The following BCL7A variants were observed in gnomAD, a reference collection of about 807,000 sequenced individuals.
BCL7A encodes BAF chromatin remodeling complex subunit BCL7A, also known as B-cell CLL/lymphoma 7 protein family member A.
In BCL7A, 11 loss-of-function variants were observed where a neutral mutation model predicts 28.4. That is an observed-to-expected ratio of 0.39 (90% confidence interval 0.24 to 0.64). The LOEUF (loss-of-function observed/expected upper bound fraction) is 0.64, where lower values mean the gene tolerates loss of function less well. Among genes scored for constraint, BCL7A ranks in the 30% least tolerant of loss-of-function variants. BCL7A has a pLI of 0.50. For missense variants in BCL7A, 222 were observed against 274.8 expected, an observed-to-expected ratio of 0.81 and a Z score of 1.36; for synonymous variants, 123 against 103.3, an observed-to-expected ratio of 1.19 and a Z score of -1.15.
Position 122,021,986 on chromosome 12 carries a change from C to T in BCL7A, c.-106C>T. 1 of 805,966 alleles carries T rather than the reference C, an allele frequency of 1.2e-6. No individual in the cohort carries two copies. The highest frequency in any genetic ancestry group is 1.9e-6 in the Non-Finnish European group (1 of 514,068). The allele number at this position is 805,966 out of a possible 1,614,324, so 49.9% of individuals were successfully genotyped here. On this transcript the variant is annotated 5_prime_UTR_variant, in exon 1 of 6. Transcript: ENST00000261822. ...TGTGTGCGTGTGAGAGTGCGAGTGT[C>T]TGTGCGCGAGTGAGTGAGCGGCGGG...
In BCL7A at chr12:122,059,449, T is replaced by C. The variant is rs1593039602; in HGVS notation, c.*286T>C. 8.6e-6 allele frequency: 3 copies of C among 350,454 alleles called. No individual in the cohort carries two copies. The East Asian group carries it at 1.3e-4, about 16-fold the overall frequency. 21.7% of individuals were successfully genotyped at this position (350,454 alleles called of 1,614,324 possible). ...CACTGTCTCGGAAGCCAGGATTCCA[T>C]TTGTGTTGCTGCTGTATTTTCCCCC... On this transcript the variant is annotated 3_prime_UTR_variant, in exon 6 of 6. Coordinates refer to ENST00000261822, the MANE Select transcript of BCL7A (RefSeq NM_001024808.3). The surrounding 1 kb of genome is among the most constrained non-coding windows in gnomAD (Gnocchi z 4.0).
At chr12:122,038,505 C>G (rs1038545807) in intron 3 of BCL7A, among the ~76,000 whole-genome samples, 2 of 150,088 alleles carry the variant, frequency 1.3e-5, no homozygotes, top group African/African-American at 2.4e-5. Context: ...GAAAGCCCCC[C>G]CAACCAGCCA....
At chr12:122,053,070 C>T (rs1359360441) in intron 4 of BCL7A, among the ~76,000 whole-genome samples, 1 of 152,014 alleles carries the variant, frequency 6.6e-6, no homozygotes, top group African/African-American at 2.4e-5. Context: ...ATCTCGGCTC[C>T]CAATCCAGGA....
intron 4 of BCL7A, chr12:122,044,434 G>A (rs980289813): frequency 2.1e-5 from 4 of 192,162 alleles, no homozygotes; most frequent in Middle Eastern, 2.0e-3. Context: ...TTGAGCACAG[G>A]AGGTCAAGAC....
intron 4 of BCL7A, among the ~76,000 whole-genome samples, chr12:122,045,251 T>TGC (rs1884050302): frequency 2.0e-5 from 3 of 152,232 alleles, no homozygotes; most frequent in East Asian, 3.9e-4. Flanking sequence ...TGTGGTGGCA[T>TGC]GTGCCTGTAA....
Position 122,058,874 on chromosome 12 carries a change from C to T in BCL7A, c.562-218C>T, listed in dbSNP as rs182023384. 5.9e-5 allele frequency among the ~76,000 whole-genome samples: 9 copies of T among 152,226 alleles called. No individual in the cohort carries two copies. The East Asian group carries it at 1.4e-3, about 23-fold the overall frequency. On this transcript the variant is annotated intron_variant, in intron 5 of 5. Coordinates refer to ENST00000261822, the MANE Select transcript of BCL7A (RefSeq NM_001024808.3). ...GGGTCAGGCAGGGGCCAGGGGACAC[C>T]GCGCTCCATAGCTCCAGGAAGAGTT... is the stretch of plus-strand genomic sequence containing the variant.
chr12:122,027,151 A>G (rs946045533), intron 1 of BCL7A, among the ~76,000 whole-genome samples: 2 of 152,110 alleles, frequency 1.3e-5, no homozygotes, highest in African/African-American at 4.8e-5. Context: ...GTCAAGAGTG[A>G]GGGCATCTGA....
chr12:122,026,766 C>T (rs2135839102), intron 1 of BCL7A, among the ~76,000 whole-genome samples: 1 of 152,338 alleles, frequency 6.6e-6, no homozygotes, highest in Admixed American at 6.5e-5. Flanking sequence ...GTAGAGCTTT[C>T]CTGGAGGGAG....
At chr12:122,052,936 C>T (rs573334079) in intron 4 of BCL7A, among the ~76,000 whole-genome samples, 1 of 150,032 alleles carries the variant, frequency 6.7e-6, no homozygotes, top group South Asian at 2.1e-4. Context: ...CCGATCCACC[C>T]ACCTTAGCCT....
chr12:122,022,683 C>T (rs1883493698), intron 1 of BCL7A, among the ~76,000 whole-genome samples: 1 of 147,364 alleles, frequency 6.8e-6, no homozygotes, highest in South Asian at 2.1e-4. Context: ...GCCCCGCCGC[C>T]CTCCGCCAGC....
At position 122,043,234 on chromosome 12, in the gene BCL7A, C is replaced by T. The variant is rs1246527669; in HGVS notation, c.272-652C>T. ...AGACACACAAGACGTCTGGTTTCTACACCCAGAATGAGGCCTCAAATGTCC... is the reference window on the plus strand; with the variant it reads ...AGACACACAAGACGTCTGGTTTCTATACCCAGAATGAGGCCTCAAATGTCC... On this transcript the variant is annotated intron_variant, in intron 3 of 5. Coordinates refer to ENST00000261822, the MANE Select transcript of BCL7A (RefSeq NM_001024808.3). Among the ~76,000 whole-genome samples the T allele has an allele frequency of 2.6e-5, 4 of 152,122 alleles. No individual in the cohort carries two copies. In the East Asian group the frequency reaches 5.8e-4, roughly 22 times the overall value.
Position 122,060,478 on chromosome 12 carries a change from T to G in BCL7A, c.*1315T>G, listed in dbSNP as rs1330790121. ...CCCCACCTTCGCTGGAACAGCTTCC[T>G]CTCACTGAACGGAGACGCCCCCTTG... On this transcript the variant is annotated 3_prime_UTR_variant, in exon 6 of 6. Coordinates refer to ENST00000261822, the MANE Select transcript of BCL7A (RefSeq NM_001024808.3). 1 of 217,358 alleles carries G rather than the reference T, an allele frequency of 4.6e-6. No homozygotes were observed. Among genetic ancestry groups the G allele is most frequent in the Non-Finnish European group, 9.2e-6 (1 of 108,120 alleles). The allele number at this position is 217,358 out of a possible 1,614,324, so 13.5% of individuals were successfully genotyped here. A position where few individuals can be genotyped will look rare whatever the true frequency, so the allele number is the denominator to read the frequency against.
chr12:122,030,192 G>T (rs1173477960), intron 1 of BCL7A, among the ~76,000 whole-genome samples: 2 of 152,226 alleles, frequency 1.3e-5, no homozygotes, highest in Non-Finnish European at 2.9e-5. Context: ...CATTCTTCCG[G>T]CAGAGTGTGG....
chr12:122,021,925 T>TGG lies in BCL7A; in HGVS notation c.-166_-165insGG. 2.4e-6 allele frequency: 1 copy of TGG among 409,102 alleles called. No individual in the cohort carries two copies. 25.3% of individuals were successfully genotyped at this position (409,102 alleles called of 1,614,324 possible). On this transcript the variant is annotated 5_prime_UTR_variant, in exon 1 of 6. Coordinates refer to ENST00000261822, the MANE Select transcript of BCL7A (RefSeq NM_001024808.3). ...GCGGCGGCCCCGGGCTTTGTGTGTG[T>TGG]GTGTATGTGTGTGTGTGTGTGTGTG...
At position 122,050,688 on chromosome 12, in the gene BCL7A, C is replaced by T. The variant is rs1486356839; in HGVS notation, c.440-4117C>T. On this transcript the variant is annotated intron_variant, in intron 4 of 5. Coordinates refer to ENST00000261822, the MANE Select transcript of BCL7A (RefSeq NM_001024808.3). ...TTGTAAAATGGGATGACCAGCTACT[C>T]GGGAGGCTAAGGTGGGAGGATCACT... 3.3e-5 allele frequency among the ~76,000 whole-genome samples: 5 copies of T among 152,178 alleles called. No individual in the cohort carries two copies. In the East Asian group the frequency reaches 5.8e-4, roughly 18 times the overall value.
At chr12:122,038,140 G>A (rs894688696) in intron 3 of BCL7A, among the ~76,000 whole-genome samples, 12 of 149,012 alleles carry the variant, frequency 8.1e-5, no homozygotes, top group African/African-American at 2.7e-4. Flanking sequence ...AAAAAGAAAC[G>A]CACAGTGGGA....
At chr12:122,023,495 C>T (rs1883525219) in intron 1 of BCL7A, among the ~76,000 whole-genome samples, 2 of 152,252 alleles carry the variant, frequency 1.3e-5, no homozygotes, top group East Asian at 1.9e-4. Context: ...CTGAGTCAAA[C>T]CCAACAAAAA....
chr12:122,058,221 A>G (rs1269414886), intron 5 of BCL7A, among the ~76,000 whole-genome samples: 2 of 152,124 alleles, frequency 1.3e-5, no homozygotes, highest in South Asian at 2.1e-4. Flanking sequence ...AAGAACTTGG[A>G]AAAGCTGGTG....
chr12:122,036,190 C>T (rs986815389), intron 3 of BCL7A, among the ~76,000 whole-genome samples: 1 of 152,108 alleles, frequency 6.6e-6, no homozygotes, highest in Non-Finnish European at 1.5e-5. Flanking sequence ...ACCTTGGGAA[C>T]TGCCCTTCCA....
Sources: allele counts gnomAD v4.1 joint callset (sites outside exome capture counted in the v4.1 genomes callset), GRCh38; gene constraint gnomAD v4.1.1; non-coding constraint Gnocchi (gnomAD v3.1); transcripts MANE v1.5; gene names NCBI Gene and HGNC (gene_info 2026-07-23, HGNC 2026-07-21).